C1GALT1: variants seen among roughly 807,000 people sequenced by gnomAD.
C1GALT1 encodes core 1 synthase, glycoprotein-N-acetylgalactosamine 3-beta-galactosyltransferase 1.
In C1GALT1, 11 loss-of-function variants were observed where a neutral mutation model predicts 31.0. The ratio of observed to expected loss-of-function variants is 0.36; its 90% CI spans 0.22 to 0.59. C1GALT1 has a LOEUF of 0.59. Ranked by LOEUF, C1GALT1 falls within the 20% of genes least tolerant of loss-of-function variation. The pLI is 0.79. For missense variants in C1GALT1, 424 were observed against 425.2 expected, an observed-to-expected ratio of 1.00 and a Z score of 0.03; for synonymous variants, 175 against 143.6, an observed-to-expected ratio of 1.22 and a Z score of -1.56.
intron 2 of C1GALT1, among the ~76,000 whole-genome samples, chr7:7,176,860 A>G (rs929876358): frequency 6.6e-6 from 1 of 152,208 alleles, no homozygotes; most frequent in Admixed American, 6.5e-5. Flanking sequence ...TGGCATTGTC[A>G]GGTATTTTCA....
chr7:7,243,509 C>G lies in C1GALT1; in HGVS notation c.889-15C>G, dbSNP rs761783974. On this transcript the variant is annotated splice_polypyrimidine_tract_variant and intron_variant, in intron 3 of 3. Coordinates refer to ENST00000436587, the MANE Select transcript of C1GALT1 (RefSeq NM_020156.5). Reference sequence around the variant, plus strand: ...TGCTGTTTATTAACAATACCTGTTTCCACTACTTTTTTAGGGTCCTGGTTG... The same window carrying G: ...TGCTGTTTATTAACAATACCTGTTTGCACTACTTTTTTAGGGTCCTGGTTG... 1 of 1,574,136 alleles carries G rather than the reference C, an allele frequency of 6.4e-7. No individual in the cohort carries two copies. The highest frequency in any genetic ancestry group is 8.6e-7 in the Non-Finnish European group (1 of 1,163,776).
At chr7:7,195,022 C>G (rs1305644022) in intron 1 of C1GALT1, among the ~76,000 whole-genome samples, 4 of 152,124 alleles carry the variant, frequency 2.6e-5, no homozygotes, top group Admixed American at 2.0e-4. Context: ...TCTAATATCT[C>G]CATTTCATTT....
At chr7:7,217,485 A>T (rs921006691) in intron 1 of C1GALT1, among the ~76,000 whole-genome samples, 3 of 152,150 alleles carry the variant, frequency 2.0e-5, no homozygotes, top group African/African-American at 4.8e-5. Context: ...GGCACATGCC[A>T]CCTGCACCTG....
At chr7:7,215,386 A>G (rs10238682) in intron 1 of C1GALT1, among the ~76,000 whole-genome samples, 45,777 of 152,078 alleles carry the variant, frequency 0.3, 8,294 homozygotes, top group East Asian at 0.52. Context: ...TCCCTTTGCC[A>G]GTTTGTGCCG....
chr7:7,211,009 G>T (rs1268516074), intron 1 of C1GALT1, among the ~76,000 whole-genome samples: 1 of 152,116 alleles, frequency 6.6e-6, no homozygotes, highest in Non-Finnish European at 1.5e-5. Flanking sequence ...AGAGGGTTTT[G>T]GGCAACAACT....
At chr7:7,183,320 C>G (rs561841691) in intron 1 of C1GALT1, among the ~76,000 whole-genome samples, 1 of 152,142 alleles carries the variant, frequency 6.6e-6, no homozygotes, top group African/African-American at 2.4e-5. Context: ...TCGGCTGCCG[C>G]GCCGCCTGAG....
upstream of C1GALT1, among the ~76,000 whole-genome samples, chr7:7,180,283 A>G (rs1292871367): frequency 6.6e-6 from 1 of 152,242 alleles, no homozygotes; most frequent in East Asian, 1.9e-4. Context: ...TCTCTAATTG[A>G]AAATGTCGAA....
intron 2 of C1GALT1, among the ~76,000 whole-genome samples, chr7:7,158,845 A>G (rs1165106473): frequency 6.6e-6 from 1 of 152,078 alleles, no homozygotes; most frequent in African/African-American, 2.4e-5. Context: ...AACACACAAA[A>G]TGGCTGTTAG....
chr7:7,226,146 A>G (rs369884153), intron 1 of C1GALT1, among the ~76,000 whole-genome samples: 1 of 152,192 alleles, frequency 6.6e-6, no homozygotes, highest in Admixed American at 6.5e-5. Flanking sequence ...CACATGTACT[A>G]TATTTGTAAA....
intron 2 of C1GALT1, among the ~76,000 whole-genome samples, chr7:7,160,126 T>C (rs1157106781): frequency 2.0e-5 from 3 of 152,172 alleles, no homozygotes; most frequent in East Asian, 1.9e-4. Context: ...GCCCCACATG[T>C]GTGTCCTTCT....
chr7:7,174,048 C>A, intron 2 of C1GALT1, among the ~76,000 whole-genome samples: 1 of 152,102 alleles, frequency 6.6e-6, no homozygotes, highest in East Asian at 1.9e-4. Flanking sequence ...CTTTTCCTGG[C>A]TTTATAGGCA....
chr7:7,199,524 G>A (rs1781444365), intron 1 of C1GALT1, among the ~76,000 whole-genome samples: 1 of 152,226 alleles, frequency 6.6e-6, no homozygotes, highest in Non-Finnish European at 1.5e-5. Context: ...GTTGATTTGG[G>A]ATGGAGAGTT....
At chr7:7,165,242 T>C (rs1583727496) in intron 2 of C1GALT1, among the ~76,000 whole-genome samples, 1 of 152,094 alleles carries the variant, frequency 6.6e-6, no homozygotes, top group East Asian at 1.9e-4. Context: ...TAGAAGATGG[T>C]GATCCTTGTG....
chr7:7,236,193 T>C (rs1425585635), intron 2 of C1GALT1, among the ~76,000 whole-genome samples: 1 of 152,222 alleles, frequency 6.6e-6, no homozygotes, highest in Non-Finnish European at 1.5e-5. Context: ...GCTCCCTGAA[T>C]GGACTGAATT....
intron 1 of C1GALT1, among the ~76,000 whole-genome samples, chr7:7,195,371 T>C (rs1290212001): frequency 2.6e-5 from 4 of 152,222 alleles, no homozygotes; most frequent in Non-Finnish European, 5.9e-5. Flanking sequence ...ATAGGTTGTG[T>C]CACTTTTATC....
intron 2 of C1GALT1, among the ~76,000 whole-genome samples, chr7:7,163,761 G>A (rs1193153566): frequency 1.3e-5 from 2 of 152,120 alleles, no homozygotes; most frequent in African/African-American, 2.4e-5. Flanking sequence ...ACTTACAAGG[G>A]ACGTGAAGGA....
chr7:7,183,205 G>C (rs1260788225), intron 1 of C1GALT1, among the ~76,000 whole-genome samples: 3 of 147,678 alleles, frequency 2.0e-5, no homozygotes, highest in Non-Finnish European at 4.5e-5. Flanking sequence ...CTGCCCCGCC[G>C]GGCCCTCCCA....
Position 7,244,343 on chromosome 7 carries a change from T to C in C1GALT1, c.*616T>C, listed in dbSNP as rs1364962727. On this transcript the variant is annotated 3_prime_UTR_variant, in exon 4 of 4. Transcript: ENST00000436587. ...GAAGTGCATTAATAAAACCACACTT[T>C]AAAATTATCATGGGCCTTGACTATA... 1 of 152,154 alleles carries C rather than the reference T, an allele frequency of 6.6e-6. No homozygotes were observed. The highest frequency in any genetic ancestry group is 1.5e-5 in the Non-Finnish European group (1 of 67,990). 9.4% of individuals were successfully genotyped at this position (152,154 alleles called of 1,614,324 possible). A position where few individuals can be genotyped will look rare whatever the true frequency, so the allele number is the denominator to read the frequency against.
In C1GALT1 at chr7:7,234,451, T is replaced by G. The variant is rs768018532; in HGVS notation, c.132T>G (p.Asn44Lys). 6.2e-7 allele frequency: 1 copy of G among 1,614,000 alleles called. No individual in the cohort carries two copies. The highest frequency in any genetic ancestry group is 2.2e-5 in the East Asian group (1 of 44,832). ...KVDTQPNVLH[N>K]DPHARHSDDN... ...ACACCCAGCCTAATGTTCTTCATAA[T>G]GATCCTCATGCAAGGCATTCAGATG... Residue 44 changes from asparagine to lysine, a missense_variant, in exon 2 of 4, where the codon AAT becomes AAG. This residue lies in a region of C1GALT1 where 189 missense variants were observed against 158.2 expected (regional missense o/e 1.19). Coordinates refer to ENST00000436587, the MANE Select transcript of C1GALT1 (RefSeq NM_020156.5).
Sources: gnomAD v4.1 joint callset for allele counts (sites outside exome capture counted in the v4.1 genomes callset) on GRCh38, gnomAD v4.1.1 for gene constraint, gnomAD v4.1.1 regional missense constraint, MANE v1.5 for transcripts, NCBI Gene and HGNC (gene_info 2026-07-23, HGNC 2026-07-21) for gene names.